Variants in LHFPL3 observed in about 807,000 individuals in gnomAD.
LHFPL3 encodes the protein LHFPL tetraspan subfamily member 3, also known as LHFPL tetraspan subfamily member 3 protein.
A neutral mutation model predicts 19.3 loss-of-function variants in LHFPL3; 5 were observed. The observed-to-expected ratio is 0.26, with a 90% confidence interval of 0.14 to 0.54. The LOEUF (loss-of-function observed/expected upper bound fraction) is 0.54, where lower values mean the gene tolerates loss of function less well. Among genes scored for constraint, LHFPL3 ranks in the 20% least tolerant of loss-of-function variants. The probability of loss-of-function intolerance (pLI) is 0.94; values close to 1 mark genes in which losing one functional copy is unlikely to be tolerated. For missense variants in LHFPL3, 249 were observed against 307.4 expected (o/e 0.81, Z 1.42); for synonymous variants, 133 against 126.2 (o/e 1.05, Z -0.36).
At chr7:104,746,377 G>C (rs1339085225) in intron 2 of LHFPL3, among the ~76,000 whole-genome samples, 4 of 152,058 alleles carry the variant, frequency 2.6e-5, no homozygotes, top group African/African-American at 9.7e-5. Flanking sequence ...GTATGAAGTA[G>C]ATCTAGGAAT....
chr7:104,769,656 G>A (rs113823746), intron 2 of LHFPL3, among the ~76,000 whole-genome samples: 42,742 of 147,802 alleles, frequency 0.29, 8,745 homozygotes, highest in East Asian at 0.71. Flanking sequence ...TCCCCTCCCT[G>A]TGTCCATGTG....
chr7:104,399,850 G>C lies in LHFPL3; in HGVS notation c.445+70626G>C, dbSNP rs915544364. On this transcript the variant is annotated intron_variant, in intron 1 of 2. Coordinates refer to ENST00000424859, the MANE Select transcript of LHFPL3 (RefSeq NM_199000.3). The surrounding 1 kb of genome is among the most constrained non-coding windows in gnomAD (Gnocchi z 4.4). ...AGTCATGTTGAGAGGGTTGGCTAAA[G>C]ACTCTGTAAGATCAGGGAGCCGAGG... Among the ~76,000 whole-genome samples, 4 of 151,374 alleles carry C rather than the reference G, an allele frequency of 2.6e-5. No individual in the cohort carries two copies. The highest frequency in any genetic ancestry group is 4.8e-5 in the African/African-American group (2 of 41,256).
chr7:104,351,267 G>A (rs889582619), intron 1 of LHFPL3, among the ~76,000 whole-genome samples: 2 of 152,038 alleles, frequency 1.3e-5, no homozygotes, highest in African/African-American at 2.4e-5. Flanking sequence ...ATCTATTTAG[G>A]CTTCTTCACC....
intron 1 of LHFPL3, among the ~76,000 whole-genome samples, chr7:104,374,535 C>G (rs1357078547): frequency 1.3e-5 from 2 of 152,060 alleles, no homozygotes; most frequent in African/African-American, 4.8e-5. Flanking sequence ...CCACTGCACC[C>G]AGCCTCTATA....
At chr7:104,441,940 A>G (rs1183309231) in intron 1 of LHFPL3, among the ~76,000 whole-genome samples, 3 of 152,108 alleles carry the variant, frequency 2.0e-5, no homozygotes, top group Non-Finnish European at 4.4e-5. Flanking sequence ...TACGTCAGTT[A>G]TATTCTTAAT....
chr7:104,794,545 G>A (rs2470962), intron 2 of LHFPL3, among the ~76,000 whole-genome samples: 1,918 of 152,276 alleles, frequency 0.013, 41 homozygotes, highest in African/African-American at 0.043. Flanking sequence ...TGATGTGTGC[G>A]ATCACATTAA....
At chr7:104,401,771 T>G (rs189486423) in intron 1 of LHFPL3, among the ~76,000 whole-genome samples, 336 of 152,262 alleles carry the variant, frequency 2.2e-3, no homozygotes, top group South Asian at 5.4e-3. Context: ...CAAAAACAGA[T>G]AGAAGGTAAA....
At chr7:104,540,780 A>G (rs1025258610) in intron 1 of LHFPL3, among the ~76,000 whole-genome samples, 2 of 152,116 alleles carry the variant, frequency 1.3e-5, no homozygotes, top group Non-Finnish European at 2.9e-5. Context: ...TAGTCAGTCA[A>G]TGGCCAACAC....
chr7:104,575,588 A>C (rs13310104), intron 1 of LHFPL3, among the ~76,000 whole-genome samples: 21,984 of 134,026 alleles, frequency 0.16, 2,502 homozygotes, highest in Non-Finnish European at 0.22. Flanking sequence ...AAAAAAAAAC[A>C]GAAACAAGCA....
At chr7:104,830,989 G>A (rs536591789) in intron 2 of LHFPL3, among the ~76,000 whole-genome samples, 3 of 151,846 alleles carry the variant, frequency 2.0e-5, no homozygotes, top group South Asian at 4.2e-4. Flanking sequence ...CCTTTCACTC[G>A]CAAAAGGTAC....
chr7:104,623,829 G>A (rs1331255013), intron 1 of LHFPL3, among the ~76,000 whole-genome samples: 1 of 152,122 alleles, frequency 6.6e-6, no homozygotes, highest in East Asian at 1.9e-4. Flanking sequence ...GGCCATTTTG[G>A]ACCTTCCAGA....
At chr7:104,809,404 G>T (rs1171436902) in intron 2 of LHFPL3, among the ~76,000 whole-genome samples, 1 of 152,194 alleles carries the variant, frequency 6.6e-6, no homozygotes, top group Admixed American at 6.5e-5. Context: ...ACTTAGGAGA[G>T]CAGATAAGGT....
chr7:104,696,053 C>T (rs1182187914), intron 1 of LHFPL3, among the ~76,000 whole-genome samples: 1 of 152,132 alleles, frequency 6.6e-6, no homozygotes, highest in Non-Finnish European at 1.5e-5. Context: ...TGGGTTCCAG[C>T]GATTCTCCTG....
chr7:104,681,158 T>C (rs1792691994), intron 1 of LHFPL3, among the ~76,000 whole-genome samples: 1 of 149,618 alleles, frequency 6.7e-6, no homozygotes, highest in South Asian at 2.1e-4. Flanking sequence ...TTTCTTCTTT[T>C]TTTTTTTTTT....
chr7:104,372,587 T>C (rs566302486), intron 1 of LHFPL3, among the ~76,000 whole-genome samples: 3 of 152,302 alleles, frequency 2.0e-5, no homozygotes, highest in East Asian at 3.9e-4. Context: ...GGTTAACATA[T>C]GAGCTCCACC....
At chr7:104,777,529 C>T (rs1174905577) in intron 2 of LHFPL3, among the ~76,000 whole-genome samples, 1 of 152,208 alleles carries the variant, frequency 6.6e-6, no homozygotes, top group Admixed American at 6.5e-5. Flanking sequence ...CCTAAGGATG[C>T]CTTTTGGTTG....
intron 1 of LHFPL3, among the ~76,000 whole-genome samples, chr7:104,450,373 T>G (rs1244332838): frequency 6.6e-6 from 1 of 152,218 alleles, no homozygotes. Flanking sequence ...TTTTTATGGC[T>G]GCATGGCATT....
At chr7:104,593,525 G>A (rs1255555339) in intron 1 of LHFPL3, among the ~76,000 whole-genome samples, 3 of 152,148 alleles carry the variant, frequency 2.0e-5, no homozygotes, top group Non-Finnish European at 4.4e-5. Flanking sequence ...GTTGATTTGG[G>A]GTGGAGAGTT....
At chr7:104,530,073 C>G (rs1025949194) in intron 1 of LHFPL3, among the ~76,000 whole-genome samples, 4 of 152,124 alleles carry the variant, frequency 2.6e-5, no homozygotes. Context: ...GGTACAACTT[C>G]TGTTGGAATG....
Sources: allele counts gnomAD v4.1 joint callset (sites outside exome capture counted in the v4.1 genomes callset), GRCh38; gene constraint gnomAD v4.1.1; non-coding constraint Gnocchi (gnomAD v3.1); transcripts MANE v1.5; gene names NCBI Gene and HGNC (gene_info 2026-07-23, HGNC 2026-07-21).